The following CEP112 variants were observed in gnomAD, a reference collection of about 807,000 sequenced individuals.
CEP112 encodes the protein centrosomal protein of 112 kDa.
Under a neutral mutation model 153.0 loss-of-function variants are expected in CEP112, and 127 were observed. The observed-to-expected ratio is 0.83, with a 90% CI of 0.72 to 0.96. CEP112 has a LOEUF of 0.96. CEP112 is among the 40% of genes least tolerant of loss of function. The probability of loss-of-function intolerance (pLI) is 0.00; values close to 1 mark genes in which losing one functional copy is unlikely to be tolerated. For synonymous variants in CEP112, 358 were observed against 374.4 expected, an observed-to-expected ratio of 0.96 and a Z score of 0.51; for missense variants, 1,089 against 1,101.2, an observed-to-expected ratio of 0.99 and a Z score of 0.16.
chr17:65,755,995 G>T (rs1309000738), intron 21 of CEP112, among the ~76,000 whole-genome samples: 1 of 152,114 alleles, frequency 6.6e-6, no homozygotes, highest in Non-Finnish European at 1.5e-5. Flanking sequence ...GTATATACTG[G>T]ATGAGATCCC....
intron 21 of CEP112, among the ~76,000 whole-genome samples, chr17:65,778,121 G>C (rs754430196): frequency 3.3e-5 from 5 of 152,150 alleles, no homozygotes; most frequent in Non-Finnish European, 7.3e-5. Context: ...TGGTACTCAA[G>C]GTCCTTCGTG....
At chr17:65,937,509 C>G (rs1599074219) in intron 18 of CEP112, among the ~76,000 whole-genome samples, 1 of 139,326 alleles carries the variant, frequency 7.2e-6, no homozygotes, top group Non-Finnish European at 1.6e-5. Context: ...GGCAACCGCC[C>G]CGTCTGAGAA....
chr17:66,141,865 A>C (rs2070716520), intron 4 of CEP112, among the ~76,000 whole-genome samples: 1 of 152,150 alleles, frequency 6.6e-6, no homozygotes, highest in Admixed American at 6.5e-5. Context: ...CAGCTTTTTG[A>C]GATCCTGATT....
rs534462138 is a variant in CEP112 at position 65,824,161 on chromosome 17, C to G, written c.2394+27643G>C. On this transcript the variant is annotated intron_variant, in intron 21 of 26. Transcript: ENST00000535342. ...ATCTTTATGTGAATGCTTACCAACC[C>G]AGATATTTCCCAGCTGGAGAATGGA... Among the ~76,000 whole-genome samples the G allele has an allele frequency of 4.7e-4, 72 of 152,284 alleles. No homozygotes were observed. In the South Asian group the frequency reaches 0.015, roughly 31 times the overall value.
At chr17:65,738,079 C>A (rs1400525628) in intron 23 of CEP112, among the ~76,000 whole-genome samples, 2 of 152,118 alleles carry the variant, frequency 1.3e-5, no homozygotes, top group African/African-American at 4.8e-5. Flanking sequence ...TACAGGTTAG[C>A]CAGAAGACAT....
rs189397828 is a variant in CEP112 at position 66,115,041 on chromosome 17, C to A, written c.642+14705G>T. Reference sequence around the variant, plus strand: ...CCAACATGGTGAAACCCTGTCTCTACTAAAAATATAAAAATTAGCCAGGCA... The same window carrying A: ...CCAACATGGTGAAACCCTGTCTCTAATAAAAATATAAAAATTAGCCAGGCA... On this transcript the variant is annotated intron_variant, in intron 6 of 26. Transcript: ENST00000535342. 3.4e-3 allele frequency among the ~76,000 whole-genome samples: 511 copies of A among 152,116 alleles called. 4 individuals carry two copies. Among genetic ancestry groups the A allele is most frequent in the South Asian group, 6.2e-3 (30 of 4,816 alleles).
chr17:65,655,462 T>A, intron 24 of CEP112: 1 of 963,510 alleles, frequency 1.0e-6, no homozygotes, highest in Non-Finnish European at 1.7e-6. Context: ...TGGGCCACAG[T>A]GTTTATGTAC....
chr17:66,169,281 T>TC (rs2072138532), intron 4 of CEP112, among the ~76,000 whole-genome samples: 1 of 133,114 alleles, frequency 7.5e-6, no homozygotes, highest in African/African-American at 3.0e-5. Context: ...TTTAATTTCT[T>TC]CTTTTTTTTT....
chr17:65,825,999 C>A, intron 21 of CEP112: 1 of 783,822 alleles, frequency 1.3e-6, no homozygotes, highest in East Asian at 2.4e-5. Context: ...AATGTGATTG[C>A]AGTTTGTTCC....
chr17:65,742,166 C>T (rs1249987315), intron 23 of CEP112, among the ~76,000 whole-genome samples: 2 of 152,090 alleles, frequency 1.3e-5, no homozygotes, highest in African/African-American at 4.8e-5. Flanking sequence ...CAACGTTACT[C>T]AGATTGCCTG....
chr17:65,804,758 A>G (rs1406400409), intron 21 of CEP112, among the ~76,000 whole-genome samples: 2 of 152,340 alleles, frequency 1.3e-5, no homozygotes, highest in East Asian at 3.9e-4. Flanking sequence ...ACCTGTGGTC[A>G]TTCTAAATAT....
chr17:66,073,268 T>C (rs961296722), intron 8 of CEP112, among the ~76,000 whole-genome samples: 2 of 152,116 alleles, frequency 1.3e-5, no homozygotes, highest in African/African-American at 2.4e-5. Flanking sequence ...TCCTCAAGAA[T>C]TGAAGACCAC....
intron 20 of CEP112, among the ~76,000 whole-genome samples, chr17:65,883,284 A>C (rs1189241048): frequency 1.4e-5 from 2 of 147,476 alleles, no homozygotes; most frequent in African/African-American, 2.5e-5. Flanking sequence ...ATATATATGA[A>C]GTGTATATAT....
At chr17:65,684,625 A>G (rs2047691672) in intron 24 of CEP112, among the ~76,000 whole-genome samples, 1 of 152,220 alleles carries the variant, frequency 6.6e-6, no homozygotes, top group African/African-American at 2.4e-5. Context: ...TTTGCTCCCC[A>G]TTGTGAATAA....
intron 17 of CEP112, among the ~76,000 whole-genome samples, chr17:65,984,232 A>T (rs1429165830): frequency 6.6e-6 from 1 of 152,184 alleles, no homozygotes; most frequent in African/African-American, 2.4e-5. Context: ...TGCACAGAGA[A>T]CATAAAATGT....
chr17:65,912,105 G>C (rs1294227769), intron 19 of CEP112, among the ~76,000 whole-genome samples: 1 of 152,114 alleles, frequency 6.6e-6, no homozygotes, highest in Non-Finnish European at 1.5e-5. Flanking sequence ...TCCACCCTAA[G>C]TGGAAAACTG....
At chr17:66,066,750 A>C in intron 10 of CEP112, 28 bp downstream of exon 10, 2 of 1,356,874 alleles carry the variant, frequency 1.5e-6, no homozygotes, top group Non-Finnish European at 2.0e-6. Context: ...AATGTTATTA[A>C]AAGATGTATG....
At chr17:65,751,736 A>G (rs1205206328) in intron 21 of CEP112, among the ~76,000 whole-genome samples, 1 of 152,212 alleles carries the variant, frequency 6.6e-6, no homozygotes. Flanking sequence ...CATCATATTC[A>G]TAATTCCCAA....
intron 23 of CEP112, among the ~76,000 whole-genome samples, chr17:65,716,247 C>A (rs1225528437): frequency 2.6e-5 from 4 of 152,102 alleles, no homozygotes; most frequent in Non-Finnish European, 5.9e-5. Context: ...ACCTCCACCT[C>A]CCAGGTTCAA....
Sources: gnomAD v4.1 joint callset for allele counts (sites outside exome capture counted in the v4.1 genomes callset) on GRCh38, gnomAD v4.1.1 for gene constraint, MANE v1.5 for transcripts, NCBI Gene and HGNC (gene_info 2026-07-23, HGNC 2026-07-21) for gene names.